PCDH11X: variants seen among roughly 807,000 people sequenced by gnomAD.
PCDH11X encodes protocadherin-11 X-linked.
Under a neutral mutation model 53.3 loss-of-function variants are expected in PCDH11X, and 18 were observed. The observed-to-expected ratio is 0.34, with a 90% CI of 0.23 to 0.50. PCDH11X has a LOEUF of 0.50. PCDH11X is among the 20% of genes least tolerant of loss of function. PCDH11X has a pLI of 0.98. For synonymous variants in PCDH11X, 279 were observed against 393.3 expected (o/e 0.71, Z 3.44); for missense variants, 570 against 1,032.4 (o/e 0.55, Z 6.14).
At chrX:92,299,496 G>C (rs2522785) in intron 8 of PCDH11X, among the ~76,000 whole-genome samples, 1 of 111,285 alleles carries the variant, frequency 9.0e-6, no homozygotes, top group East Asian at 2.9e-4. Flanking sequence ...ACCTCATTTT[G>C]TATTTGTTCA....
intron 9 of PCDH11X, among the ~76,000 whole-genome samples, chrX:92,408,721 T>C (rs2071579182): frequency 9.0e-6 from 1 of 110,694 alleles, no homozygotes; most frequent in African/African-American, 3.3e-5. Context: ...CAGCTGGGAC[T>C]ACAGGTGCCT....
At chrX:92,193,967 A>T (rs1227115803) in intron 6 of PCDH11X, among the ~76,000 whole-genome samples, 4 of 111,981 alleles carry the variant, frequency 3.6e-5, no homozygotes, top group Non-Finnish European at 7.5e-5. Flanking sequence ...GTTTAGAAAA[A>T]ATTTTAATGC....
chrX:92,350,160 T>A (rs2070009023), intron 8 of PCDH11X, among the ~76,000 whole-genome samples: 1 of 109,825 alleles, frequency 9.1e-6, no homozygotes, highest in East Asian at 2.9e-4. Flanking sequence ...TTTCCTTAAA[T>A]TGGACCTCAC....
chrX:92,065,608 C>G (rs1385466397), intron 6 of PCDH11X, among the ~76,000 whole-genome samples: 8 of 111,828 alleles, frequency 7.2e-5, no homozygotes, highest in Non-Finnish European at 1.3e-4. Flanking sequence ...CTCTGAGGAT[C>G]AATGATGTTG....
intron 10 of PCDH11X, among the ~76,000 whole-genome samples, chrX:92,614,157 G>A (rs901062272): frequency 9.1e-6 from 1 of 110,123 alleles, no homozygotes; most frequent in African/African-American, 3.3e-5. Flanking sequence ...TTTGGTTAAG[G>A]ACCATTGGTG....
chrX:92,399,192 C>CAAAA (rs376361040), intron 9 of PCDH11X, among the ~76,000 whole-genome samples: 4 of 91,587 alleles, frequency 4.4e-5, no homozygotes, highest in African/African-American at 8.4e-5. Flanking sequence ...GACTCCGTGT[C>CAAAA]AAAAAAAAAA....
At chrX:91,964,315 T>A (rs1204741830) in intron 6 of PCDH11X, among the ~76,000 whole-genome samples, 1 of 110,263 alleles carries the variant, frequency 9.1e-6, no homozygotes, top group African/African-American at 3.4e-5. Flanking sequence ...AATTCTAAAA[T>A]TCATATGGAA....
At chrX:91,855,946 A>G (rs967869809) in intron 5 of PCDH11X, among the ~76,000 whole-genome samples, 48 of 109,769 alleles carry the variant, frequency 4.4e-4, no homozygotes, top group South Asian at 2.4e-3. Context: ...ATCTGTAAAC[A>G]ATGATAATTT....
chrX:92,238,807 C>G (rs1019350218), intron 7 of PCDH11X, among the ~76,000 whole-genome samples: 4 of 111,577 alleles, frequency 3.6e-5, no homozygotes, highest in African/African-American at 1.3e-4. Context: ...ATTATGAATA[C>G]TGCACATTTA....
At chrX:91,860,653 T>C (rs998327278) in intron 5 of PCDH11X, among the ~76,000 whole-genome samples, 1 of 111,943 alleles carries the variant, frequency 8.9e-6, no homozygotes, top group African/African-American at 3.2e-5. Context: ...AGCTAGTTCA[T>C]TGAGAGTTTT....
rs770112824 is a variant in PCDH11X, at chrX:92,224,243, T to A, written c.3114+22788T>A. Among the ~76,000 whole-genome samples the A allele has an allele frequency of 2.7e-5, 3 of 112,243 alleles. No homozygotes were observed. In the South Asian group the frequency reaches 1.1e-3, roughly 41 times the overall value. On this transcript the variant is annotated intron_variant, in intron 7 of 10. Coordinates refer to ENST00000682573, the MANE Select transcript of PCDH11X (RefSeq NM_032968.5). ...TGACTCTTTGAGGCAGTGATGCTTA[T>A]TTAGGCTGATGCCACTGAAGGCAAC...
intron 8 of PCDH11X, among the ~76,000 whole-genome samples, chrX:92,272,803 C>A (rs894421829): frequency 8.9e-6 from 1 of 112,034 alleles, no homozygotes; most frequent in African/African-American, 3.2e-5. Flanking sequence ...ATTGAGGTAG[C>A]ACTTTGACAT....
At position 92,368,800 on chromosome X, in the gene PCDH11X, C is replaced by G. The variant is rs777204756; in HGVS notation, c.3145-18935C>G. ...AGTTTGCTGGAGGTCCACTCCAGAC[C>G]CTGTTCGCCTGGGTATCACCAGTGG... On this transcript the variant is annotated intron_variant, in intron 8 of 10. Transcript: ENST00000682573. Among the ~76,000 whole-genome samples the G allele has an allele frequency of 3.5e-3, 386 of 109,039 alleles. 2 individuals carry two copies. Among genetic ancestry groups the G allele is most frequent in the African/African-American group, 0.012 (367 of 29,802 alleles). The allele number at this position is 109,039 out of a possible 115,157, so 94.7% of individuals were successfully genotyped here. A position where few individuals can be genotyped will look rare whatever the true frequency, so the allele number is the denominator to read the frequency against.
At chrX:92,270,292 G>A (rs777284326) in intron 8 of PCDH11X, among the ~76,000 whole-genome samples, 32 of 109,053 alleles carry the variant, frequency 2.9e-4, no homozygotes, top group Non-Finnish European at 6.1e-4. Flanking sequence ...TGTTTTTTGT[G>A]TGTGTGTTTT....
chrX:92,426,768 A>C (rs1053979769), intron 9 of PCDH11X, among the ~76,000 whole-genome samples: 21 of 111,044 alleles, frequency 1.9e-4, no homozygotes, highest in African/African-American at 6.5e-4. Flanking sequence ...ATCTAAGCTG[A>C]AAATACTAGA....
chrX:92,280,791 T>TAAA (rs1045628472), intron 8 of PCDH11X, among the ~76,000 whole-genome samples: 1 of 106,708 alleles, frequency 9.4e-6, no homozygotes, highest in Non-Finnish European at 1.9e-5. Flanking sequence ...ATATTTTTTT[T>TAAA]AAAAAAAAAT....
At chrX:92,297,443 G>A (rs1433983611) in intron 8 of PCDH11X, among the ~76,000 whole-genome samples, 1 of 110,387 alleles carries the variant, frequency 9.1e-6, no homozygotes, top group East Asian at 2.9e-4. Flanking sequence ...CTTTGTCAAT[G>A]ATCAGATGGT....
intron 7 of PCDH11X, among the ~76,000 whole-genome samples, chrX:92,249,187 A>G (rs1470744010): frequency 1.8e-5 from 2 of 111,396 alleles, no homozygotes; most frequent in African/African-American, 6.5e-5. Context: ...TATTGAAGCT[A>G]TTACATTTTT....
At chrX:92,218,976 G>A (rs1246459101) in intron 7 of PCDH11X, among the ~76,000 whole-genome samples, 1 of 111,350 alleles carries the variant, frequency 9.0e-6, no homozygotes, top group African/African-American at 3.3e-5. Flanking sequence ...TGCAGAAAAG[G>A]CCTTTGACAA....
Sources: gnomAD v4.1 joint callset for allele counts (sites outside exome capture counted in the v4.1 genomes callset) on GRCh38, gnomAD v4.1.1 for gene constraint, MANE v1.5 for transcripts, NCBI Gene and HGNC (gene_info 2026-07-23, HGNC 2026-07-21) for gene names.